Variants in DPH6 observed in about 807,000 individuals in gnomAD.
DPH6 encodes diphthine--ammonia ligase.
Under a neutral mutation model 38.2 loss-of-function variants are expected in DPH6, and 33 were observed. That is an observed-to-expected ratio of 0.86 (90% CI 0.65 to 1.15). DPH6 has a LOEUF of 1.15. Ranked by LOEUF, DPH6 falls within the 50% of genes most tolerant of loss-of-function variation. The pLI, the probability that DPH6 is intolerant of heterozygous loss-of-function variation, is 0.00. For missense variants in DPH6, 325 were observed against 320.0 expected, an observed-to-expected ratio of 1.02 and a Z score of -0.12; for synonymous variants, 108 against 103.0, an observed-to-expected ratio of 1.05 and a Z score of -0.30.
At chr15:35,303,790 C>T (rs2052070204) in intron 3 of DPH6, among the ~76,000 whole-genome samples, 2 of 151,002 alleles carry the variant, frequency 1.3e-5, no homozygotes, top group South Asian at 2.1e-4. Context: ...TCTTTTTTCC[C>T]CTTTTTTTTT....
At chr15:35,545,917 G>A (rs1250131538) in intron 1 of DPH6, among the ~76,000 whole-genome samples, 2 of 152,226 alleles carry the variant, frequency 1.3e-5, no homozygotes, top group African/African-American at 4.8e-5. Context: ...GCGACAGACA[G>A]GGAGGAGGCG....
chr15:35,422,628 T>G (rs1412727019), intron 5 of DPH6, among the ~76,000 whole-genome samples: 1 of 151,884 alleles, frequency 6.6e-6, no homozygotes, highest in East Asian at 1.9e-4. Flanking sequence ...AACACAGTGT[T>G]GTTAACTATA....
chr15:35,273,002 A>G (rs2051833136), intron 3 of DPH6, among the ~76,000 whole-genome samples: 1 of 151,802 alleles, frequency 6.6e-6, no homozygotes, highest in South Asian at 2.1e-4. Flanking sequence ...TTGCCTTTTC[A>G]CCATGACTGT....
chr15:35,172,700 A>C, the DPH6 span, among the ~76,000 whole-genome samples: 1 of 152,180 alleles, frequency 6.6e-6, no homozygotes, highest in Non-Finnish European at 1.5e-5. Flanking sequence ...AAAAATTTTG[A>C]GATGGGGTCT....
chr15:35,237,769 T>C (rs1272644276), intron 3 of DPH6: 9 of 1,609,878 alleles, frequency 5.6e-6, no homozygotes, highest in Non-Finnish European at 7.6e-6. Flanking sequence ...TTGACGGCTA[T>C]GACCGGGACG....
intron 6 of DPH6, among the ~76,000 whole-genome samples, chr15:35,395,077 A>G (rs1299488851): frequency 6.6e-6 from 1 of 152,228 alleles, no homozygotes; most frequent in Non-Finnish European, 1.5e-5. Flanking sequence ...GGTCAAGCTT[A>G]TCATGTTCTT....
At chr15:35,167,277 T>A in the DPH6 span, among the ~76,000 whole-genome samples, 2 of 152,066 alleles carry the variant, frequency 1.3e-5, no homozygotes, top group African/African-American at 2.4e-5. Context: ...TTCCTAACAA[T>A]GAACAAAAAC....
chr15:35,467,326 A>G (rs949892420), intron 3 of DPH6, among the ~76,000 whole-genome samples: 1 of 152,182 alleles, frequency 6.6e-6, no homozygotes, highest in Non-Finnish European at 1.5e-5. Flanking sequence ...GCACTTTGGG[A>G]GGCCAAGGCA....
chr15:35,501,200 GTAA>G (rs752768019), intron 3 of DPH6, among the ~76,000 whole-genome samples: 2 of 152,000 alleles, frequency 1.3e-5, no homozygotes, highest in African/African-American at 2.4e-5. Context: ...ATGACAATCA[GTAA>G]TAATAAGATA....
intron 3 of DPH6, chr15:35,519,020 C>T (rs1008757049): frequency 6.6e-6 from 1 of 151,816 alleles, no homozygotes; most frequent in Non-Finnish European, 1.5e-5. Flanking sequence ...TATTAAAACA[C>T]TTTCAGAAGC....
chr15:35,224,042 T>C (rs575336211), intron 3 of DPH6, among the ~76,000 whole-genome samples: 1 of 151,856 alleles, frequency 6.6e-6, no homozygotes, highest in Admixed American at 6.6e-5. Flanking sequence ...CAGATAATCT[T>C]CTTTTAATTA....
At chr15:35,347,691 G>A (rs2052474351) in intron 3 of DPH6, among the ~76,000 whole-genome samples, 1 of 150,950 alleles carries the variant, frequency 6.6e-6, no homozygotes, top group Non-Finnish European at 1.5e-5. Context: ...AATTTGTTGA[G>A]GAACCGCCAT....
At chr15:35,402,936 A>G (rs1259941832) in intron 6 of DPH6, among the ~76,000 whole-genome samples, 2 of 152,096 alleles carry the variant, frequency 1.3e-5, no homozygotes, top group Non-Finnish European at 2.9e-5. Context: ...TCATAAGTAA[A>G]TAATGATACC....
chr15:35,209,073 TCCC>T, the DPH6 span, among the ~76,000 whole-genome samples: 2 of 152,212 alleles, frequency 1.3e-5, no homozygotes, highest in Non-Finnish European at 2.9e-5. Context: ...GTGGTCTTTT[TCCC>T]CCATTATATT....
chr15:35,164,099 C>T, the DPH6 span, among the ~76,000 whole-genome samples: 14 of 151,670 alleles, frequency 9.2e-5, no homozygotes, highest in African/African-American at 2.9e-4. Context: ...AAATATGCTG[C>T]AAAAATGACT....
At chr15:35,515,722 G>GAAAAAAAAAAAAAAAA in intron 3 of DPH6, among the ~76,000 whole-genome samples, 1 of 77,950 alleles carries the variant, frequency 1.3e-5, no homozygotes, top group African/African-American at 5.0e-5. Context: ...CTCCGTCTCA[G>GAAAAAAAAAAAAAAAA]AAAAAAAAAA....
the DPH6 span, among the ~76,000 whole-genome samples, chr15:35,200,980 TC>T: frequency 2.8e-3 from 284 of 100,616 alleles, no homozygotes; most frequent in Non-Finnish European, 3.5e-3. Context: ...ACCAATAATT[TC>T]CCTTTTTTTT....
chr15:35,249,888 G>A (rs1302834678), intron 3 of DPH6, among the ~76,000 whole-genome samples: 1 of 152,158 alleles, frequency 6.6e-6, no homozygotes, highest in Non-Finnish European at 1.5e-5. Context: ...ATACGGCCGG[G>A]CGCGGTGGCT....
chr15:35,335,083 A>G (rs2052358644), intron 3 of DPH6, among the ~76,000 whole-genome samples: 1 of 152,080 alleles, frequency 6.6e-6, no homozygotes, highest in South Asian at 2.1e-4. Flanking sequence ...TGACTTTTTA[A>G]TAATAACCAT....
Sources: gnomAD v4.1 joint callset for allele counts (sites outside exome capture counted in the v4.1 genomes callset) on GRCh38, gnomAD v4.1.1 for gene constraint, MANE v1.5 for transcripts, NCBI Gene and HGNC (gene_info 2026-07-23, HGNC 2026-07-21) for gene names.